TUT4: variants seen among roughly 807,000 people sequenced by gnomAD.
TUT4 encodes the protein terminal uridylyltransferase 4.
Under a neutral mutation model 192.2 loss-of-function variants are expected in TUT4, and 36 were observed. The observed-to-expected ratio is 0.19, with a 90% CI of 0.14 to 0.25. The LOEUF is 0.25. TUT4 is among the 10% of genes least tolerant of loss of function. The probability of loss-of-function intolerance (pLI) is 1.00; values close to 1 mark genes in which losing one functional copy is unlikely to be tolerated. For missense variants in TUT4, 1,493 were observed against 1,957.2 expected (o/e 0.76, Z 4.47); for synonymous variants, 618 against 666.0 (o/e 0.93, Z 1.11).
intron 1 of TUT4, among the ~76,000 whole-genome samples, chr1:52,529,068 T>C (rs1557971079): frequency 6.6e-6 from 1 of 152,100 alleles, no homozygotes. Flanking sequence ...TTTTCCAGAG[T>C]AATACTGTCT....
intron 1 of TUT4, among the ~76,000 whole-genome samples, chr1:52,536,357 C>T (rs527348058): frequency 3.3e-5 from 5 of 152,208 alleles, no homozygotes; most frequent in Middle Eastern, 6.8e-3. Flanking sequence ...ATCCCCAAGG[C>T]ATCCACTAAG....
At chr1:52,497,720 C>T (rs972291143) in intron 4 of TUT4, among the ~76,000 whole-genome samples, 1 of 152,174 alleles carries the variant, frequency 6.6e-6, no homozygotes, top group African/African-American at 2.4e-5. Flanking sequence ...TAAAAAGACA[C>T]TTTGCTATAT....
In TUT4 at chr1:52,552,958, C is replaced by G. The variant is rs917006142; in HGVS notation, c.-121G>C. The G allele has an allele frequency of 6.5e-6, 1 of 153,416 alleles. No homozygotes were observed. The highest frequency in any genetic ancestry group is 1.5e-5 in the Non-Finnish European group (1 of 68,252). The allele number at this position is 153,416 out of a possible 1,614,324, so 9.5% of individuals were successfully genotyped here. A position where few individuals can be genotyped will look rare whatever the true frequency, so the allele number is the denominator to read the frequency against. ...GCGAGGCCCGCGAGCTACAGGCGCG[C>G]GCGACGCCTCCTCATCTCAGTGGCT... On this transcript the variant is annotated 5_prime_UTR_variant, in exon 1 of 30. Transcript: ENST00000257177.
intron 24 of TUT4, among the ~76,000 whole-genome samples, chr1:52,442,214 TG>T (rs11325602): frequency 0.093 from 12,437 of 134,360 alleles, 1,799 homozygotes; most frequent in African/African-American, 0.33. Flanking sequence ...GCAGACAAAA[TG>T]TAAGTTAAAT....
In TUT4 at chr1:52,423,853, T is replaced by C. The variant is rs768106255; in HGVS notation, c.*82A>G. The C allele has an allele frequency of 9.5e-6, 15 of 1,572,142 alleles. No individual in the cohort carries two copies. In the East Asian group the frequency reaches 1.9e-4, roughly 20 times the overall value. ...CTTTTTCTGCTGAATGTAACTGACA[T>C]TGAGGTACGGATACCCTTGAGACAG... On this transcript the variant is annotated 3_prime_UTR_variant, in exon 30 of 30. Transcript: ENST00000257177.
In TUT4 at chr1:52,526,307, T is replaced by TATAAAATATCA; in HGVS notation, c.-28_-27insTGATATTTTAT. ...ATTTGAAAATCTGTTTCTTTCCAAT[T>TATAAAATATCA]GTGATATTATAAAATGGCAGATCTC... On this transcript the variant is annotated 5_prime_UTR_variant, in exon 2 of 30. Coordinates refer to ENST00000257177, the MANE Select transcript of TUT4 (RefSeq NM_001009881.3). 1.4e-6 allele frequency: 2 copies of TATAAAATATCA among 1,455,972 alleles called. No homozygotes were observed. Among genetic ancestry groups the TATAAAATATCA allele is most frequent in the South Asian group, 3.2e-5 (2 of 62,846 alleles). The allele number at this position is 1,455,972 out of a possible 1,614,324, so 90.2% of individuals were successfully genotyped here.
At chr1:52,527,209 T>C (rs1181907967) in intron 1 of TUT4, among the ~76,000 whole-genome samples, 1 of 152,198 alleles carries the variant, frequency 6.6e-6, no homozygotes, top group Non-Finnish European at 1.5e-5. Context: ...TTTCTCCACC[T>C]TGAAGTAAAA....
At chr1:52,425,855 G>A (rs1649717524) in intron 28 of TUT4, among the ~76,000 whole-genome samples, 1 of 143,782 alleles carries the variant, frequency 7.0e-6, no homozygotes, top group Non-Finnish European at 1.5e-5. Flanking sequence ...AAAAATTTAG[G>A]CAAAATAGGG....
rs780604321 is a variant in TUT4, at chr1:52,431,227, G to C, written c.4497C>G (p.Leu1499=). ...TGGGCCAGGACGGGGCAGGGATCTG[G>C]AGAGGGTGCATTGGCAACAATCCCA... The part of the protein sequence containing the change: ...HNMGLLPMHP[L]QIPAPSWPIH... Residue 1499 remains leucine, a synonymous_variant, in exon 28 of 30, where the codon CTC becomes CTG. Coordinates refer to ENST00000257177, the MANE Select transcript of TUT4 (RefSeq NM_001009881.3). The C allele has an allele frequency of 6.2e-7, 1 of 1,614,106 alleles. No homozygotes were observed. The highest frequency in any genetic ancestry group is 1.3e-5 in the African/African-American group (1 of 74,930).
At chr1:52,459,849 G>A (rs1045254706) in intron 19 of TUT4, among the ~76,000 whole-genome samples, 7 of 151,624 alleles carry the variant, frequency 4.6e-5, no homozygotes, top group African/African-American at 1.7e-4. Flanking sequence ...GCCACTGCAC[G>A]CCAGCCTGGG....
chr1:52,538,321 G>A (rs1685521586), intron 1 of TUT4, among the ~76,000 whole-genome samples: 1 of 151,930 alleles, frequency 6.6e-6, no homozygotes, highest in African/African-American at 2.4e-5. Context: ...ATCCCCAATG[G>A]GCATGTAACA....
chr1:52,449,498 C>T lies in TUT4; in HGVS notation c.3436-2831G>A, dbSNP rs181309582. Reference sequence around the variant, plus strand: ...ATTTTTTAGTAGAGATGAGGTTTTGCCATATTGGCCAGGCTGGTCTCAAAC... The same window carrying T: ...ATTTTTTAGTAGAGATGAGGTTTTGTCATATTGGCCAGGCTGGTCTCAAAC... On this transcript the variant is annotated intron_variant, in intron 20 of 29. Transcript: ENST00000257177. Among the ~76,000 whole-genome samples the T allele has an allele frequency of 5.5e-3, 836 of 152,190 alleles. 4 individuals carry two copies. Among genetic ancestry groups the T allele is most frequent in the Non-Finnish European group, 9.6e-3 (650 of 68,004 alleles).
chr1:52,445,103 T>C (rs1232505728), intron 24 of TUT4, among the ~76,000 whole-genome samples: 4 of 151,804 alleles, frequency 2.6e-5, no homozygotes, highest in African/African-American at 9.7e-5. Context: ...TCTGTCCCTC[T>C]AAGAGAACCC....
rs191478648 is a variant in TUT4, at chr1:52,443,021, C to T, written c.3822+2766G>A. Among the ~76,000 whole-genome samples, 463 of 152,316 alleles carry T rather than the reference C, an allele frequency of 3.0e-3. 2 individuals carry two copies. The highest frequency in any genetic ancestry group is 8.1e-3 in the South Asian group (39 of 4,830). ...AGTCTCGGAAAGGCACAGCGGCTCA[C>T]GCCTGTAATCCCAGCACTTTGGGAG... On this transcript the variant is annotated intron_variant, in intron 24 of 29. Transcript: ENST00000257177.
At chr1:52,466,507 G>A (rs112852233) in intron 15 of TUT4, among the ~76,000 whole-genome samples, 12 of 151,226 alleles carry the variant, frequency 7.9e-5, no homozygotes, top group African/African-American at 2.4e-4. Flanking sequence ...GTGTGGTGGC[G>A]CGCACCTGTG....
intron 3 of TUT4, among the ~76,000 whole-genome samples, chr1:52,510,317 C>CAAA (rs200690805): frequency 0.028 from 2,179 of 78,548 alleles, 60 homozygotes; most frequent in Non-Finnish European, 0.043. Context: ...TTCGTATTAA[C>CAAA]AAAAAAAAAA....
In TUT4 at chr1:52,423,803, T is replaced by C. The variant is rs1022517760; in HGVS notation, c.*132A>G. ...TTAAAATTTTAAATCAGGACCTGAT[T>C]TGTTTTGCTTTCCATTAAATGTCAC... On this transcript the variant is annotated 3_prime_UTR_variant, in exon 30 of 30. Transcript: ENST00000257177. 6.5e-7 allele frequency: 1 copy of C among 1,543,820 alleles called. No individual in the cohort carries two copies. The highest frequency in any genetic ancestry group is 8.7e-7 in the Non-Finnish European group (1 of 1,144,626).
Position 52,431,190 on chromosome 1 carries a change from C to T in TUT4, c.4534G>A (p.Val1512Met), listed in dbSNP as rs376626454. 107 of 1,614,076 alleles carry T rather than the reference C, an allele frequency of 6.6e-5. No homozygotes were observed. Among genetic ancestry groups the T allele is most frequent in the Non-Finnish European group, 8.9e-5 (105 of 1,180,048 alleles). The change falls in exon 28 of 30, where the codon GTG becomes ATG. Residue 1512 changes from valine (V) to methionine (M), a missense_variant. Coordinates refer to ENST00000257177, the MANE Select transcript of TUT4 (RefSeq NM_001009881.3). ...PAPSWPIHGP[V>M]IHSAPGSAPS... ...GCACTGCCTGGTGCAGAGTGGATCACTGGGCCATGGATGGGCCAGGACGGG... is the reference window on the plus strand; with the variant it reads ...GCACTGCCTGGTGCAGAGTGGATCATTGGGCCATGGATGGGCCAGGACGGG...
At chr1:52,548,819 T>A (rs1023103464) in intron 1 of TUT4, among the ~76,000 whole-genome samples, 10 of 152,234 alleles carry the variant, frequency 6.6e-5, no homozygotes, top group Non-Finnish European at 1.0e-4. Context: ...CCATCTATAG[T>A]GGTGAACATC....
Sources: allele counts gnomAD v4.1 joint callset (sites outside exome capture counted in the v4.1 genomes callset), GRCh38; gene constraint gnomAD v4.1.1; transcripts MANE v1.5; gene names NCBI Gene and HGNC (gene_info 2026-07-23, HGNC 2026-07-21).